OCA2: variants seen among roughly 807,000 people sequenced by gnomAD.
The protein encoded by OCA2 is P protein.
A neutral mutation model predicts 100.2 loss-of-function variants in OCA2; 77 were observed. That is an observed-to-expected ratio of 0.77 (90% CI 0.64 to 0.93). OCA2 has a LOEUF of 0.93. Among genes scored for constraint, OCA2 ranks in the 40% least tolerant of loss-of-function variants. OCA2 has a pLI of 0.00. For synonymous variants in OCA2, 432 were observed against 439.2 expected, an observed-to-expected ratio of 0.98 and a Z score of 0.21; for missense variants, 1,062 against 1,089.1, an observed-to-expected ratio of 0.98 and a Z score of 0.35.
At chr15:27,988,579 C>T (rs971331916) in intron 11 of OCA2, among the ~76,000 whole-genome samples, 2 of 152,090 alleles carry the variant, frequency 1.3e-5, no homozygotes, top group African/African-American at 4.8e-5. Flanking sequence ...CTGCCCACAC[C>T]GTGATCTCGG....
intron 15 of OCA2, among the ~76,000 whole-genome samples, chr15:27,961,730 T>A (rs1348708890): frequency 1.3e-5 from 2 of 151,744 alleles, no homozygotes; most frequent in Non-Finnish European, 2.9e-5. Context: ...TTCTCACTCA[T>A]AAGTGGGAGT....
chr15:28,083,434 C>T (rs189398209), intron 1 of OCA2, among the ~76,000 whole-genome samples: 13 of 152,250 alleles, frequency 8.5e-5, no homozygotes, highest in East Asian at 1.9e-4. Context: ...ACCAGTGAGC[C>T]GAAGGCAGGC....
chr15:27,755,075 T>C lies in OCA2; in HGVS notation c.*313A>G. On this transcript the variant is annotated 3_prime_UTR_variant, in exon 24 of 24. Coordinates refer to ENST00000354638, the MANE Select transcript of OCA2 (RefSeq NM_000275.3). ...CAGTACAGTCAATTTTAGGTGGATG[T>C]GTGTCTTTTCCTATGTATAGCAGGA... 2.8e-6 allele frequency: 1 copy of C among 358,438 alleles called. No individual in the cohort carries two copies. The highest frequency in any genetic ancestry group is 3.8e-5 in the Admixed American group (1 of 26,622). The allele number at this position is 358,438 out of a possible 1,614,324, so 22.2% of individuals were successfully genotyped here.
In OCA2 at chr15:27,770,998, T is replaced by TCCTC. The variant is rs373739460; in HGVS notation, c.2433-15527_2433-15526insGAGG. Among the ~76,000 whole-genome samples, 61 of 29,046 alleles carry TCCTC rather than the reference T, an allele frequency of 2.1e-3. 2 individuals are homozygous for TCCTC. Among genetic ancestry groups the TCCTC allele is most frequent in the Non-Finnish European group, 3.3e-3 (44 of 13,524 alleles). The allele number at this position is 29,046 out of a possible 152,430, so 19.1% of individuals were successfully genotyped here. On this transcript the variant is annotated intron_variant, in intron 23 of 23. Coordinates refer to ENST00000354638, the MANE Select transcript of OCA2 (RefSeq NM_000275.3). ...TCCTTTCCTTCTTTCTTCCTTCCCT[T>TCCTC]CCTTCCTTCCCTTCTTTTCTTCTTT...
At chr15:27,977,285 T>C (rs2041002041) in intron 14 of OCA2, among the ~76,000 whole-genome samples, 1 of 152,218 alleles carries the variant, frequency 6.6e-6, no homozygotes, top group Non-Finnish European at 1.5e-5. Flanking sequence ...TTTAGTTTAA[T>C]TTCTCTTTCT....
At chr15:28,017,012 C>T (rs1364762793) in intron 7 of OCA2, among the ~76,000 whole-genome samples, 3 of 141,780 alleles carry the variant, frequency 2.1e-5, no homozygotes, top group Non-Finnish European at 4.6e-5. Flanking sequence ...CTTGCATGTT[C>T]TTGCCCCTGG....
Position 27,871,237 on chromosome 15 carries a change from G to A in OCA2, c.2161C>T (p.Leu721Phe). The A allele has an allele frequency of 6.2e-7, 1 of 1,614,150 alleles. No homozygotes were observed. Among genetic ancestry groups the A allele is most frequent in the South Asian group, 1.1e-5 (1 of 91,084 alleles). Residue 721 changes from leucine (L) to phenylalanine (F), a missense_variant, in exon 21 of 24, where the codon CTC becomes TTC. Physicochemically the swap from Leu to Phe is conservative, Grantham distance 22 (BLOSUM62 0). Coordinates refer to ENST00000354638, the MANE Select transcript of OCA2 (RefSeq NM_000275.3). The part of the protein sequence containing the change: ...LIKMVPEEQR[L>F]IAAIVLVVWV... ...ACCACCAGGACAATGGCGGCTATGA[G>A]GCGCTGCTCCTCTGGGACCATCTGG...
the OCA2 span, among the ~76,000 whole-genome samples, chr15:27,730,732 A>AATATATTTATATATATATAT: frequency 9.8e-6 from 1 of 102,014 alleles, no homozygotes; most frequent in African/African-American, 3.3e-5. Flanking sequence ...AAAAAGACCA[A>AATATATTTATATATATATAT]ATATATATAT....
chr15:27,993,038 T>G (rs1461053267), intron 9 of OCA2, among the ~76,000 whole-genome samples: 1 of 152,076 alleles, frequency 6.6e-6, no homozygotes, highest in Non-Finnish European at 1.5e-5. Context: ...GTGGGAGAAT[T>G]GCTTGAGCCC....
At chr15:27,723,454 T>G in the OCA2 span, among the ~76,000 whole-genome samples, 2 of 151,966 alleles carry the variant, frequency 1.3e-5, no homozygotes, top group Non-Finnish European at 2.9e-5. Flanking sequence ...TCCTCACAGA[T>G]GCTAAACCTG....
intron 9 of OCA2, among the ~76,000 whole-genome samples, chr15:28,014,405 C>A (rs376600596): frequency 6.6e-6 from 1 of 152,166 alleles, no homozygotes; most frequent in Non-Finnish European, 1.5e-5. Flanking sequence ...TGCAGGTGGG[C>A]GCAAATGAGC....
At chr15:27,932,977 GA>G (rs36014650) in intron 18 of OCA2, among the ~76,000 whole-genome samples, 55,268 of 148,886 alleles carry the variant, frequency 0.37, 10,559 homozygotes, top group Middle Eastern at 0.5. Flanking sequence ...ACAAGGCATA[GA>G]AAAAAAAAAC....
intron 23 of OCA2, among the ~76,000 whole-genome samples, chr15:27,756,552 T>C (rs2030384973): frequency 6.6e-6 from 1 of 152,240 alleles, no homozygotes; most frequent in Admixed American, 6.5e-5. Flanking sequence ...CTTTATCAAC[T>C]TTGTTTTTGA....
intron 1 of OCA2, 26 bp from the exon 2 acceptor site, chr15:28,081,921 C>A (rs774001051): frequency 6.4e-7 from 1 of 1,560,670 alleles, no homozygotes; most frequent in South Asian, 1.1e-5. Context: ...AGAAACCACT[C>A]TTCATGAAAG....
At chr15:27,720,389 T>C in the OCA2 span, among the ~76,000 whole-genome samples, 1 of 149,776 alleles carries the variant, frequency 6.7e-6, no homozygotes, top group Non-Finnish European at 1.5e-5. Flanking sequence ...ATATATATGT[T>C]TATATATTAT....
chr15:27,808,498 G>C (rs1264923020), intron 23 of OCA2, among the ~76,000 whole-genome samples: 4 of 152,234 alleles, frequency 2.6e-5, no homozygotes, highest in Admixed American at 2.0e-4. Flanking sequence ...GGCTTTCATA[G>C]AAGCTGGAAC....
chr15:27,797,588 C>A lies in OCA2; in HGVS notation c.2433-42116G>T, dbSNP rs936364576. 7.2e-5 allele frequency among the ~76,000 whole-genome samples: 11 copies of A among 152,208 alleles called. No individual in the cohort carries two copies. The East Asian group carries it at 2.1e-3, about 29-fold the overall frequency. ...TTGTGGCAGGGGTCTCACAGAAACA[C>A]TCTGGATGATGGCATTGCAGCTTAA... On this transcript the variant is annotated intron_variant, in intron 23 of 23. Coordinates refer to ENST00000354638, the MANE Select transcript of OCA2 (RefSeq NM_000275.3).
intron 9 of OCA2, among the ~76,000 whole-genome samples, chr15:27,997,099 GAAGA>G (rs1403936808): frequency 1.3e-4 from 4 of 30,138 alleles, no homozygotes; most frequent in African/African-American, 1.9e-4. Flanking sequence ...AGAAAGAAAG[GAAGA>G]AAGAAAAGAA....
intron 23 of OCA2, among the ~76,000 whole-genome samples, chr15:27,836,574 C>T (rs1267022544): frequency 1.3e-5 from 2 of 152,336 alleles, no homozygotes; most frequent in South Asian, 2.1e-4. Context: ...AGTGAGTTTA[C>T]AGCACTGTGA....
Sources: allele counts gnomAD v4.1 joint callset (sites outside exome capture counted in the v4.1 genomes callset), GRCh38; gene constraint gnomAD v4.1.1; transcripts MANE v1.5; gene names NCBI Gene and HGNC (gene_info 2026-07-23, HGNC 2026-07-21).